The following SEL1L2 variants were observed in gnomAD, a reference collection of about 807,000 sequenced individuals.
SEL1L2 encodes SEL1L2 adaptor subunit of SYVN1 ubiquitin ligase.
Under a neutral mutation model 98.8 loss-of-function variants are expected in SEL1L2, and 89 were observed. That is an observed-to-expected ratio of 0.90 (90% CI 0.76 to 1.07). SEL1L2 has a LOEUF of 1.07. Ranked by LOEUF, SEL1L2 falls within the 50% of genes least tolerant of loss-of-function variation. The pLI is 0.00. For synonymous variants in SEL1L2, 262 were observed against 278.5 expected (o/e 0.94, Z 0.59); for missense variants, 788 against 812.0 (o/e 0.97, Z 0.36).
At chr20:13,964,096 G>C (rs1200313840) in intron 1 of SEL1L2, among the ~76,000 whole-genome samples, 1 of 151,416 alleles carries the variant, frequency 6.6e-6, no homozygotes, top group Non-Finnish European at 1.5e-5. Flanking sequence ...GGCTGGTCTT[G>C]AACTCCTGAC....
At chr20:13,990,112 T>C (rs2052467868) in intron 1 of SEL1L2, among the ~76,000 whole-genome samples, 1 of 152,232 alleles carries the variant, frequency 6.6e-6, no homozygotes, top group East Asian at 1.9e-4. Context: ...TCTTTGAGTC[T>C]TATATTTTTC....
intron 2 of SEL1L2, among the ~76,000 whole-genome samples, chr20:13,955,594 T>C (rs1031869468): frequency 6.6e-6 from 1 of 152,192 alleles, no homozygotes; most frequent in Admixed American, 6.6e-5. Context: ...CAGTGTGAGA[T>C]GGAAATTCAC....
chr20:13,963,221 C>T (rs2050862558), intron 1 of SEL1L2, among the ~76,000 whole-genome samples: 1 of 150,818 alleles, frequency 6.6e-6, no homozygotes, highest in African/African-American at 2.4e-5. Context: ...CCTTTTTGTC[C>T]CTGGTGTTGT....
chr20:13,881,773 G>C (rs2046712974), intron 10 of SEL1L2, among the ~76,000 whole-genome samples: 1 of 152,142 alleles, frequency 6.6e-6, no homozygotes, highest in Non-Finnish European at 1.5e-5. Context: ...CAGTGGACTG[G>C]AGCATCATAT....
intron 11 of SEL1L2, among the ~76,000 whole-genome samples, chr20:13,877,128 G>A (rs957049023): frequency 2.6e-5 from 4 of 152,060 alleles, no homozygotes; most frequent in African/African-American, 9.7e-5. Context: ...CCCGGCCAAG[G>A]TGCACTTTTA....
chr20:13,962,526 G>C (rs1001821290), intron 1 of SEL1L2, among the ~76,000 whole-genome samples: 4 of 152,144 alleles, frequency 2.6e-5, no homozygotes, highest in Admixed American at 6.6e-5. Flanking sequence ...GATGAGATCA[G>C]TGAAAAGCCA....
intron 1 of SEL1L2, among the ~76,000 whole-genome samples, chr20:13,981,884 G>C (rs1400775756): frequency 6.6e-6 from 1 of 152,186 alleles, no homozygotes; most frequent in Non-Finnish European, 1.5e-5. Context: ...CAATTCCATA[G>C]GTTATTCAAA....
At chr20:13,984,359 A>G (rs1601045481) in intron 1 of SEL1L2, among the ~76,000 whole-genome samples, 1 of 152,268 alleles carries the variant, frequency 6.6e-6, no homozygotes, top group Admixed American at 6.5e-5. Context: ...CTGTCCTGGA[A>G]ACATAAAAAT....
chr20:13,865,507 T>G lies in SEL1L2; in HGVS notation c.1412A>C (p.Lys471Thr). ...CCAGTGGCCTAGTTCACAGACACCT[T>G]TATAAAGCTGTACATGAGAGGAGAA... Reference protein sequence around the residue: ...RSCRTAVELYKGVCELGHWAE... With the variant: ...RSCRTAVELYTGVCELGHWAE... The change falls in exon 16 of 20, where the codon AAA (lysine) becomes ACA (threonine). Residue 471 changes from lysine (K) to threonine (T), a missense_variant. Coordinates refer to ENST00000284951, the MANE Select transcript of SEL1L2 (RefSeq NM_025229.2). 6.2e-7 allele frequency: 1 copy of G among 1,613,624 alleles called. No individual in the cohort carries two copies. The highest frequency in any genetic ancestry group is 8.5e-7 in the Non-Finnish European group (1 of 1,179,804).
intron 18 of SEL1L2, among the ~76,000 whole-genome samples, chr20:13,853,382 A>ATT (rs34049013): frequency 2.1e-5 from 3 of 142,862 alleles, no homozygotes; most frequent in African/African-American, 2.6e-5. Context: ...TGATTTTTGT[A>ATT]TTTTTTTTTT....
chr20:13,892,926 T>C (rs6042418), intron 5 of SEL1L2, among the ~76,000 whole-genome samples: 13,690 of 152,238 alleles, frequency 0.09, 731 homozygotes, highest in African/African-American at 0.14. Flanking sequence ...CCAAGAGTTA[T>C]ATGGCAGGGT....
At chr20:13,951,293 A>AG (rs2050255726) in intron 2 of SEL1L2, among the ~76,000 whole-genome samples, 3 of 99,750 alleles carry the variant, frequency 3.0e-5, no homozygotes, top group Non-Finnish European at 6.1e-5. Flanking sequence ...AAAAAAAAAA[A>AG]AAAAAAGAAA....
At chr20:13,870,833 G>C (rs1309551521) in intron 12 of SEL1L2, among the ~76,000 whole-genome samples, 5 of 145,320 alleles carry the variant, frequency 3.4e-5, no homozygotes, top group Non-Finnish European at 7.4e-5. Context: ...TGAGGCAGGA[G>C]AATTGCTTGA....
chr20:13,876,190 A>G (rs1324770963), intron 11 of SEL1L2, 75 bp from the exon 12 acceptor site: 7 of 1,045,770 alleles, frequency 6.7e-6, no homozygotes, highest in Non-Finnish European at 1.1e-5. Context: ...AAAATGAAAT[A>G]GAGGTAACAG....
chr20:13,859,208 T>A (rs1382805454), intron 18 of SEL1L2, 54 bp downstream of exon 18: 1 of 1,497,210 alleles, frequency 6.7e-7, no homozygotes, highest in African/African-American at 1.4e-5. Flanking sequence ...TTACACATTC[T>A]GTCTTCTCAC....
chr20:13,858,172 T>C (rs1295059945), intron 18 of SEL1L2, among the ~76,000 whole-genome samples: 1 of 152,180 alleles, frequency 6.6e-6, no homozygotes, highest in East Asian at 1.9e-4. Context: ...TAAGAAGCCC[T>C]TGGCTTCACT....
intron 12 of SEL1L2, among the ~76,000 whole-genome samples, chr20:13,875,619 T>A (rs2046395422): frequency 6.6e-6 from 1 of 152,192 alleles, no homozygotes; most frequent in Non-Finnish European, 1.5e-5. Flanking sequence ...TTGGATGAGA[T>A]GAGACTGGAG....
intron 3 of SEL1L2, among the ~76,000 whole-genome samples, chr20:13,929,487 C>CTTTTTTTTT (rs747948529): frequency 5.5e-5 from 4 of 73,316 alleles, no homozygotes; most frequent in African/African-American, 1.1e-4. Flanking sequence ...TTGCCTTTGC[C>CTTTTTTTTT]TTTTTTTTTT....
intron 10 of SEL1L2, among the ~76,000 whole-genome samples, chr20:13,879,236 A>C (rs1392200357): frequency 6.6e-6 from 1 of 152,352 alleles, no homozygotes; most frequent in East Asian, 1.9e-4. Context: ...TTCAGAAAAT[A>C]GTGATTACTT....
Sources: allele counts gnomAD v4.1 joint callset (sites outside exome capture counted in the v4.1 genomes callset), GRCh38; gene constraint gnomAD v4.1.1; transcripts MANE v1.5; gene names NCBI Gene and HGNC (gene_info 2026-07-23, HGNC 2026-07-21).